SYNE1: variants seen among roughly 807,000 people sequenced by gnomAD.
The protein encoded by SYNE1 is nesprin-1.
SYNE1 carries 616 observed loss-of-function variants against 1,111.0 expected under a neutral mutation model. The ratio of observed to expected loss-of-function variants is 0.55; its 90% confidence interval spans 0.52 to 0.59. The LOEUF (loss-of-function observed/expected upper bound fraction) is 0.59. Among genes scored for constraint, SYNE1 ranks in the 20% least tolerant of loss-of-function variants. The pLI is 0.00. For synonymous variants in SYNE1, 3,855 were observed against 3,825.8 expected (o/e 1.01, Z -0.28); for missense variants, 10,006 against 10,417.0 (o/e 0.96, Z 1.72).
At chr6:152,378,845 T>C (rs549276496) in intron 56 of SYNE1, among the ~76,000 whole-genome samples, 6 of 152,276 alleles carry the variant, frequency 3.9e-5, no homozygotes, top group African/African-American at 1.4e-4. Context: ...CTTGCGTATC[T>C]CCCCACCTAG....
chr6:152,135,140 A>T lies in SYNE1; in HGVS notation c.25752T>A (p.Asp8584Glu). ...NEIVPIDSNL[D>E]AEILQDHHKQ... Reference sequence around the variant, plus strand: ...TGTGATGGTCCTGAAGTATCTCTGCATCAAGGTTAGAATCAATAGGGACAA... The same window carrying T: ...TGTGATGGTCCTGAAGTATCTCTGCTTCAAGGTTAGAATCAATAGGGACAA... The change falls in exon 142 of 146, where the codon GAT (aspartate) becomes GAA (glutamate). Residue 8584 changes from aspartate to glutamate, a missense_variant. By Grantham distance (45) the Asp-to-Glu change is conservative (BLOSUM62 2). Coordinates refer to ENST00000367255, the MANE Select transcript of SYNE1 (RefSeq NM_182961.4). 6.2e-7 allele frequency: 1 copy of T among 1,614,178 alleles called. No individual in the cohort carries two copies. Among genetic ancestry groups the T allele is most frequent in the Non-Finnish European group, 8.5e-7 (1 of 1,180,008 alleles).
At chr6:152,581,423 C>A (rs1242751079) in intron 3 of SYNE1, among the ~76,000 whole-genome samples, 1 of 152,120 alleles carries the variant, frequency 6.6e-6, no homozygotes, top group Non-Finnish European at 1.5e-5. Flanking sequence ...TAATGTCATT[C>A]CAGAAATATT....
chr6:152,494,203 C>G (rs554865397), intron 11 of SYNE1, among the ~76,000 whole-genome samples: 53 of 152,300 alleles, frequency 3.5e-4, no homozygotes, highest in African/African-American at 1.2e-3. Flanking sequence ...GTTCCCATAA[C>G]TTTCAAAATC....
At chr6:152,358,332 A>G (rs1442597203) in intron 66 of SYNE1, 41 bp downstream of exon 66, 3 of 1,613,658 alleles carry the variant, frequency 1.9e-6, no homozygotes, top group South Asian at 2.2e-5. Flanking sequence ...TTCCATATTC[A>G]GAATGAAGAT....
At chr6:152,565,778 C>T (rs965688709) in intron 3 of SYNE1, among the ~76,000 whole-genome samples, 1 of 151,978 alleles carries the variant, frequency 6.6e-6, no homozygotes, top group Non-Finnish European at 1.5e-5. Context: ...TTGTCCTTTT[C>T]AATTTCTCAC....
At chr6:152,255,844 T>C in intron 102 of SYNE1, 98 bp from the exon 103 acceptor site, 1 of 1,395,264 alleles carries the variant, frequency 7.2e-7, no homozygotes, top group Non-Finnish European at 1.0e-6. Context: ...ACACCTGTAA[T>C]CTGAGCACTT....
chr6:152,451,300 C>A, intron 25 of SYNE1, 95 bp from the exon 26 acceptor site: 2 of 1,322,928 alleles, frequency 1.5e-6, no homozygotes, highest in South Asian at 1.2e-5. Flanking sequence ...AAAACCATAA[C>A]ATATTCCTTT....
At position 152,330,173 on chromosome 6, in the gene SYNE1, G is replaced by A; in HGVS notation, c.14512C>T (p.His4838Tyr). 1 of 1,614,206 alleles carries A rather than the reference G, an allele frequency of 6.2e-7. No homozygotes were observed. The highest frequency in any genetic ancestry group is 8.5e-7 in the Non-Finnish European group (1 of 1,180,044). The change falls in exon 78 of 146, where the codon CAT becomes TAT. Residue 4838 changes from histidine to tyrosine, a missense_variant. This residue lies in a region of SYNE1 where 4,955 missense variants were observed against 5,017.2 expected (regional missense o/e 0.99). Coordinates refer to ENST00000367255, the MANE Select transcript of SYNE1 (RefSeq NM_182961.4). ...SGIVLKRVTI[H>Y]LEDLAPHLDP... is the part of the protein sequence containing the mutation. Reference sequence around the variant, plus strand: ...AGGTGTGGGGCAAGATCTTCAAGATGTATGGTTACTCGTTTCAGTACAATC... The same window carrying A: ...AGGTGTGGGGCAAGATCTTCAAGATATATGGTTACTCGTTTCAGTACAATC...
intron 42 of SYNE1, among the ~76,000 whole-genome samples, 194 bp downstream of exon 42, chr6:152,413,155 ATTG>A (rs2098094961): frequency 6.6e-6 from 1 of 152,122 alleles, no homozygotes. Flanking sequence ...CTGGCCTATA[ATTG>A]TTATCTCAAA....
intron 5 of SYNE1, among the ~76,000 whole-genome samples, chr6:152,521,092 C>A (rs1201087841): frequency 6.6e-6 from 1 of 152,150 alleles, no homozygotes; most frequent in Non-Finnish European, 1.5e-5. Context: ...CTTTCACACG[C>A]TTTCTTAAAA....
intron 3 of SYNE1, among the ~76,000 whole-genome samples, chr6:152,593,554 C>G (rs575766525): frequency 6.6e-6 from 1 of 151,924 alleles, no homozygotes; most frequent in South Asian, 2.1e-4. Flanking sequence ...TGCACTCCAG[C>G]CTGGGTGACA....
chr6:152,634,586 G>A lies in SYNE1; in HGVS notation c.-224+2052C>T, dbSNP rs569233555. On this transcript the variant is annotated intron_variant, in intron 2 of 145. Transcript: ENST00000367255. ...GTATATTACTAATAAATGTGTGCAG[G>A]TTATCAGGGAACAATGCTGTTTCTT... 4.6e-5 allele frequency among the ~76,000 whole-genome samples: 7 copies of A among 152,276 alleles called. No individual in the cohort carries two copies. The South Asian group carries it at 1.0e-3, about 23-fold the overall frequency.
At chr6:152,545,096 A>G (rs561364094) in intron 3 of SYNE1, among the ~76,000 whole-genome samples, 2 of 152,336 alleles carry the variant, frequency 1.3e-5, no homozygotes, top group South Asian at 4.1e-4. Context: ...AAATGAAATT[A>G]GTATATTTTA....
chr6:152,352,643 A>G (rs2096762305), intron 69 of SYNE1, among the ~76,000 whole-genome samples: 1 of 152,082 alleles, frequency 6.6e-6, no homozygotes, highest in Admixed American at 6.6e-5. Context: ...ACCTCAAGCA[A>G]TCCACCCACC....
At chr6:152,234,529 G>A (rs754008429) in intron 111 of SYNE1, 139 bp downstream of exon 111, 15 of 951,082 alleles carry the variant, frequency 1.6e-5, no homozygotes, top group Middle Eastern at 2.2e-4. Flanking sequence ...TCCTGACCTC[G>A]TGATCTGACT....
At chr6:152,259,125 T>C (rs759908730) in intron 101 of SYNE1, among the ~76,000 whole-genome samples, 15 of 152,154 alleles carry the variant, frequency 9.9e-5, no homozygotes, top group Non-Finnish European at 1.9e-4. Context: ...GCCAAGCCCA[T>C]TCCCCATTGC....
At chr6:152,234,008 C>G (rs750315426) in intron 111 of SYNE1, 45 bp from the exon 112 acceptor site, 1 of 1,597,776 alleles carries the variant, frequency 6.3e-7, no homozygotes, top group Non-Finnish European at 8.5e-7. Flanking sequence ...ATAGCTAGAC[C>G]ATTCATTAAA....
intron 11 of SYNE1, among the ~76,000 whole-genome samples, chr6:152,495,166 A>T (rs989721322): frequency 6.6e-6 from 1 of 152,078 alleles, no homozygotes; most frequent in Non-Finnish European, 1.5e-5. Flanking sequence ...TCCATTTGCT[A>T]TTCTCCCACT....
At chr6:152,599,235 A>AGCCT (rs2099590404) in intron 3 of SYNE1, among the ~76,000 whole-genome samples, 1 of 152,238 alleles carries the variant, frequency 6.6e-6, no homozygotes, top group Admixed American at 6.5e-5. Flanking sequence ...TGACTACACA[A>AGCCT]GCCTGCCAAG....
Sources: gnomAD v4.1 joint callset for allele counts (sites outside exome capture counted in the v4.1 genomes callset) on GRCh38, gnomAD v4.1.1 for gene constraint, gnomAD v4.1.1 regional missense constraint, MANE v1.5 for transcripts, NCBI Gene and HGNC (gene_info 2026-07-23, HGNC 2026-07-21) for gene names.